PDCD6: variants seen among roughly 807,000 people sequenced by gnomAD.
PDCD6 encodes programmed cell death protein 6.
Under a neutral mutation model 28.3 loss-of-function variants are expected in PDCD6, and 12 were observed. The observed-to-expected ratio is 0.42, with a 90% CI of 0.27 to 0.69. PDCD6 has a LOEUF of 0.69. Among genes scored for constraint, PDCD6 ranks in the 30% least tolerant of loss-of-function variants. The probability of loss-of-function intolerance (pLI) is 0.22; values close to 1 mark genes in which losing one functional copy is unlikely to be tolerated. For synonymous variants in PDCD6, 92 were observed against 108.0 expected, an observed-to-expected ratio of 0.85 and a Z score of 0.92; for missense variants, 226 against 269.9, an observed-to-expected ratio of 0.84 and a Z score of 1.14.
chr5:287,153 G>A (rs1173496984), intron 2 of PDCD6, among the ~76,000 whole-genome samples: 2 of 152,004 alleles, frequency 1.3e-5, no homozygotes, highest in African/African-American at 2.4e-5. Flanking sequence ...TGGAGCGCCC[G>A]GGAGGAGTAG....
At chr5:281,939 G>A (rs572455132) in intron 2 of PDCD6, among the ~76,000 whole-genome samples, 4 of 151,272 alleles carry the variant, frequency 2.6e-5, no homozygotes, top group Non-Finnish European at 5.9e-5. Flanking sequence ...TGCAGCTAAA[G>A]ACTTGGGGAG....
chr5:296,018 G>A (rs1402388697), intron 2 of PDCD6, among the ~76,000 whole-genome samples: 15 of 152,082 alleles, frequency 9.9e-5, no homozygotes, highest in African/African-American at 2.7e-4. Flanking sequence ...GGGGTTTGGC[G>A]TCTTACTGTC....
At chr5:289,440 G>A (rs867916651) in intron 2 of PDCD6, 33 of 690,432 alleles carry the variant, frequency 4.8e-5, no homozygotes, top group South Asian at 2.8e-4. Context: ...TCTTCTGTAC[G>A]CGCTGCCGGG....
chr5:298,492 C>T (rs542264175), intron 2 of PDCD6, among the ~76,000 whole-genome samples: 3 of 152,110 alleles, frequency 2.0e-5, no homozygotes, highest in Admixed American at 6.5e-5. Flanking sequence ...TCCCCAGCTC[C>T]GTTCCAAGCT....
At chr5:276,141 A>G (rs922619665) in intron 2 of PDCD6, 2 of 917,672 alleles carry the variant, frequency 2.2e-6, no homozygotes, top group African/African-American at 3.5e-5. Flanking sequence ...AGATGGGAAG[A>G]TCACTTGAGC....
At chr5:301,342 G>T (rs1014716641) in intron 2 of PDCD6, among the ~76,000 whole-genome samples, 2 of 152,238 alleles carry the variant, frequency 1.3e-5, no homozygotes, top group Admixed American at 6.5e-5. Flanking sequence ...AAGAACGGGG[G>T]AGACCAGATG....
At chr5:273,034 G>A in intron 2 of PDCD6, 1 of 507,038 alleles carries the variant, frequency 2.0e-6, no homozygotes, top group Non-Finnish European at 3.6e-6. Flanking sequence ...CTAGATTGTA[G>A]GTTTAGGAGG....
At position 288,745 on chromosome 5, in the gene PDCD6, C is replaced by T. The variant is rs1739140771; in HGVS notation, c.164-15432C>T. ...TTTACAACCTGCTTTTCTTGTAAAA[C>T]TAAACGTGGACTTTTTTACATAAAA... is the stretch of plus-strand genomic sequence containing the variant. On this transcript the variant is annotated intron_variant, in intron 2 of 5. Transcript: ENST00000264933. The T allele has an allele frequency of 7.0e-6, 4 of 574,026 alleles. No individual in the cohort carries two copies. The East Asian group carries it at 1.3e-4, about 18-fold the overall frequency. 35.6% of individuals were successfully genotyped at this position (574,026 alleles called of 1,614,324 possible).
At chr5:274,605 G>C (rs1278007986) in intron 2 of PDCD6, among the ~76,000 whole-genome samples, 1 of 152,362 alleles carries the variant, frequency 6.6e-6, no homozygotes, top group South Asian at 2.1e-4. Flanking sequence ...TAACAAGCCA[G>C]CTCAAAGCTT....
intron 2 of PDCD6, among the ~76,000 whole-genome samples, chr5:278,113 T>C (rs1267965634): frequency 2.0e-5 from 3 of 152,188 alleles, no homozygotes; most frequent in Non-Finnish European, 4.4e-5. Context: ...TTTCCTCTGC[T>C]GGCTCCTCCG....
chr5:278,033 G>A (rs927478635), intron 2 of PDCD6, among the ~76,000 whole-genome samples: 1 of 152,086 alleles, frequency 6.6e-6, no homozygotes. Flanking sequence ...TCCAGCTCAG[G>A]TTCCGCCTAA....
intron 4 of PDCD6, chr5:310,217 C>A: frequency 6.3e-6 from 1 of 159,770 alleles, no homozygotes; most frequent in Non-Finnish European, 1.4e-5. Flanking sequence ...ATGGGAGGTC[C>A]TGTCTTTTCA....
intron 5 of PDCD6, among the ~76,000 whole-genome samples, chr5:314,050 G>GC (rs1304042126): frequency 2.6e-5 from 4 of 152,172 alleles, no homozygotes; most frequent in Non-Finnish European, 4.4e-5. Flanking sequence ...GCCCCAGGTG[G>GC]CCCCCACAGC....
chr5:294,646 C>T (rs35513705), intron 2 of PDCD6, among the ~76,000 whole-genome samples: 24 of 147,666 alleles, frequency 1.6e-4, no homozygotes, highest in Middle Eastern at 3.4e-3. Flanking sequence ...GAGTTTCTTA[C>T]GAAGTTAAGC....
At chr5:291,136 G>C (rs1216513485) in intron 2 of PDCD6, among the ~76,000 whole-genome samples, 5 of 152,052 alleles carry the variant, frequency 3.3e-5, no homozygotes, top group African/African-American at 1.2e-4. Context: ...TCCTGCTTTA[G>C]TCTTTATTAT....
At chr5:272,817 G>C in intron 2 of PDCD6, 45 bp downstream of exon 2, 2 of 1,555,646 alleles carry the variant, frequency 1.3e-6, no homozygotes, top group Non-Finnish European at 1.7e-6. Context: ...AAGAAGCCGC[G>C]AGCCTGCCCT....
At chr5:298,337 C>T (rs916364008) in intron 2 of PDCD6, among the ~76,000 whole-genome samples, 12 of 152,178 alleles carry the variant, frequency 7.9e-5, no homozygotes, top group East Asian at 3.9e-4. Flanking sequence ...CAGGACCACC[C>T]GAGACAGTGG....
chr5:292,062 G>T (rs1026560454), intron 2 of PDCD6, among the ~76,000 whole-genome samples: 1 of 152,112 alleles, frequency 6.6e-6, no homozygotes, highest in African/African-American at 2.4e-5. Flanking sequence ...CCCAACACTG[G>T]CATGGATTGG....
chr5:286,753 G>A (rs994472080), intron 2 of PDCD6, among the ~76,000 whole-genome samples: 3 of 152,188 alleles, frequency 2.0e-5, no homozygotes, highest in African/African-American at 7.2e-5. Context: ...GACCTGGGGA[G>A]GAGCTGATGT....
Sources: gnomAD v4.1 joint callset for allele counts (sites outside exome capture counted in the v4.1 genomes callset) on GRCh38, gnomAD v4.1.1 for gene constraint, MANE v1.5 for transcripts, NCBI Gene and HGNC (gene_info 2026-07-23, HGNC 2026-07-21) for gene names.